SCN1A: variants seen among roughly 807,000 people sequenced by gnomAD.
The protein encoded by SCN1A is sodium voltage-gated channel alpha subunit 1.
SCN1A carries 13 observed loss-of-function variants against 193.7 expected under a neutral mutation model. The observed-to-expected ratio is 0.07, with a 90% CI of 0.04 to 0.11. SCN1A has a LOEUF of 0.11. Ranked by LOEUF, SCN1A falls within the 10% of genes least tolerant of loss-of-function variation. SCN1A has a pLI of 1.00. For missense variants in SCN1A, 1,432 were observed against 2,451.1 expected (o/e 0.58, Z 8.78); for synonymous variants, 781 against 843.6 (o/e 0.93, Z 1.29).
At chr2:166,078,607 T>G (rs903371373) in intron 2 of SCN1A, among the ~76,000 whole-genome samples, 3 of 151,720 alleles carry the variant, frequency 2.0e-5, no homozygotes, top group African/African-American at 7.2e-5. Flanking sequence ...AAATACAATG[T>G]AAGCATTTTT....
At chr2:166,047,154 G>A (rs891336027) in intron 11 of SCN1A, among the ~76,000 whole-genome samples, 178 bp from the exon 12 acceptor site, 1 of 151,566 alleles carries the variant, frequency 6.6e-6, no homozygotes, top group African/African-American at 2.4e-5. Context: ...TTCTCTTCTA[G>A]CTTATGCATT....
At chr2:166,046,735 T>C (rs552616496) in intron 12 of SCN1A, 35 bp downstream of exon 12, 1 of 1,603,660 alleles carries the variant, frequency 6.2e-7, no homozygotes, top group Non-Finnish European at 8.5e-7. Context: ...ATCAGAACGA[T>C]AAAAGGTCAG....
intron 11 of SCN1A, 132 bp from the exon 12 acceptor site, chr2:166,047,108 T>C: frequency 4.5e-6 from 4 of 884,588 alleles, no homozygotes; most frequent in Non-Finnish European, 6.7e-6. Context: ...CACCCTGTAC[T>C]TTTTTTTTAT....
chr2:166,024,681 T>G (rs981549139), intron 19 of SCN1A, among the ~76,000 whole-genome samples: 3 of 152,198 alleles, frequency 2.0e-5, no homozygotes, highest in African/African-American at 7.2e-5. Flanking sequence ...TTTGTTTATT[T>G]GAGACAGGTC....
At chr2:166,012,800 T>TA in intron 21 of SCN1A, among the ~76,000 whole-genome samples, 1 of 150,298 alleles carries the variant, frequency 6.7e-6, no homozygotes, top group African/African-American at 2.4e-5. Context: ...TCAACAGACA[T>TA]ACAGTGTGAC....
chr2:166,070,238 C>T (rs575487131), intron 4 of SCN1A, among the ~76,000 whole-genome samples: 2 of 152,288 alleles, frequency 1.3e-5, no homozygotes, highest in South Asian at 4.1e-4. Flanking sequence ...GTTCTAAGCA[C>T]ACCATGTTAG....
intron 27 of SCN1A, among the ~76,000 whole-genome samples, 173 bp downstream of exon 27, chr2:165,995,837 TTAA>T (rs1689957049): frequency 7.1e-6 from 1 of 141,832 alleles, no homozygotes; most frequent in African/African-American, 3.1e-5. Flanking sequence ...TTTTTGGTCT[TTAA>T]TTTTTTTTGT....
At chr2:166,113,298 A>T (rs1339559211) in intron 2 of SCN1A, among the ~76,000 whole-genome samples, 2 of 152,056 alleles carry the variant, frequency 1.3e-5, no homozygotes, top group South Asian at 2.1e-4. Context: ...GCTTTTTTTT[A>T]AATTTAGAAT....
At chr2:166,048,553 A>G (rs551992732) in intron 10 of SCN1A, among the ~76,000 whole-genome samples, 1 of 152,240 alleles carries the variant, frequency 6.6e-6, no homozygotes, top group East Asian at 1.9e-4. Flanking sequence ...TTATGGCTGC[A>G]TAGTATCCCA....
At chr2:166,121,038 A>G (rs917963840) in intron 2 of SCN1A, among the ~76,000 whole-genome samples, 3 of 151,922 alleles carry the variant, frequency 2.0e-5, no homozygotes, top group Non-Finnish European at 4.4e-5. Context: ...TAAAAGGATC[A>G]GATTCATGAC....
chr2:166,111,009 G>A (rs558752161), intron 2 of SCN1A, among the ~76,000 whole-genome samples: 47 of 152,174 alleles, frequency 3.1e-4, no homozygotes, highest in Non-Finnish European at 4.1e-4. Flanking sequence ...CTGTGAGTCC[G>A]TTAAACTGCT....
intron 26 of SCN1A, among the ~76,000 whole-genome samples, chr2:165,997,025 G>A (rs1690170197): frequency 1.3e-5 from 2 of 151,384 alleles, no homozygotes; most frequent in East Asian, 1.9e-4. Flanking sequence ...TGGTGACAGT[G>A]AGGGAACGGT....
At chr2:166,078,427 A>G (rs1011340170) in intron 2 of SCN1A, among the ~76,000 whole-genome samples, 1 of 149,594 alleles carries the variant, frequency 6.7e-6, no homozygotes, top group East Asian at 1.9e-4. Context: ...TTATTTTTAC[A>G]GTAATACATA....
chr2:166,118,819 G>A (rs1478927008), intron 2 of SCN1A, among the ~76,000 whole-genome samples: 1 of 152,166 alleles, frequency 6.6e-6, no homozygotes, highest in Non-Finnish European at 1.5e-5. Context: ...GAAACTCTGA[G>A]ATCCGGTTTC....
intron 11 of SCN1A, 38 bp downstream of exon 11, chr2:166,047,589 T>A (rs749680109): frequency 3.7e-6 from 6 of 1,609,630 alleles, no homozygotes; most frequent in Non-Finnish European, 5.1e-6. Context: ...TCTTGTATAC[T>A]TTTACTTAAA....
chr2:166,021,776 G>C (rs1192618125), intron 19 of SCN1A, among the ~76,000 whole-genome samples: 1 of 152,092 alleles, frequency 6.6e-6, no homozygotes, highest in Non-Finnish European at 1.5e-5. Flanking sequence ...TATGTATGTT[G>C]CAATGAAAGG....
chr2:166,103,181 T>A (rs926402464), intron 2 of SCN1A, among the ~76,000 whole-genome samples: 2 of 152,068 alleles, frequency 1.3e-5, no homozygotes, highest in African/African-American at 4.8e-5. Context: ...CTGGGCGCGG[T>A]GGCTCACGCC....
chr2:166,082,058 C>G (rs185397488), intron 2 of SCN1A, among the ~76,000 whole-genome samples: 3 of 152,006 alleles, frequency 2.0e-5, no homozygotes, highest in African/African-American at 7.2e-5. Flanking sequence ...GCAGACAAGA[C>G]CTAGTTTACC....
intron 16 of SCN1A, among the ~76,000 whole-genome samples, chr2:166,040,120 A>G (rs1962843): frequency 0.74 from 112,011 of 151,808 alleles, 41,704 homozygotes; most frequent in East Asian, 0.89. Flanking sequence ...GGGTTTCACC[A>G]TGTTAGGCAG....
Sources: gnomAD v4.1 joint callset for allele counts (sites outside exome capture counted in the v4.1 genomes callset) on GRCh38, gnomAD v4.1.1 for gene constraint, MANE v1.5 for transcripts, NCBI Gene and HGNC (gene_info 2026-07-23, HGNC 2026-07-21) for gene names.